Variants in ZC3HAV1 observed in about 807,000 individuals in gnomAD.
ZC3HAV1 encodes the protein zinc finger CCCH-type antiviral protein 1.
A neutral mutation model predicts 86.6 loss-of-function variants in ZC3HAV1; 41 were observed. The ratio of observed to expected loss-of-function variants is 0.47; its 90% confidence interval spans 0.37 to 0.61. The LOEUF is 0.61. Among genes scored for constraint, ZC3HAV1 ranks in the 20% least tolerant of loss-of-function variants. ZC3HAV1 has a pLI of 0.00. For synonymous variants in ZC3HAV1, 421 were observed against 432.1 expected, an observed-to-expected ratio of 0.97 and a Z score of 0.32; for missense variants, 964 against 1,141.1, an observed-to-expected ratio of 0.84 and a Z score of 2.24.
intron 8 of ZC3HAV1, among the ~76,000 whole-genome samples, chr7:139,064,517 G>A (rs929544393): frequency 2.6e-5 from 4 of 152,172 alleles, no homozygotes; most frequent in African/African-American, 4.8e-5. Context: ...GGCCTCTACC[G>A]TAGTCACCAG....
rs1816508821 is a variant in ZC3HAV1, at chr7:139,063,578, G to C, written c.1993+1301C>G. ...TCTGTACAAAAAAATTTTTAAATTA[G>C]CTGGGCATGGTGGCATGAACCTATA... On this transcript the variant is annotated intron_variant, in intron 8 of 12. Coordinates refer to ENST00000242351, the MANE Select transcript of ZC3HAV1 (RefSeq NM_020119.4). 4.0e-5 allele frequency among the ~76,000 whole-genome samples: 6 copies of C among 151,800 alleles called. No individual in the cohort carries two copies. The South Asian group carries it at 1.2e-3, about 32-fold the overall frequency.
Position 139,073,983 on chromosome 7 carries a change from T to A in ZC3HAV1, c.1745A>T (p.Asp582Val), listed in dbSNP as rs1341631282. The change falls in exon 7 of 13, where the codon GAT becomes GTT. Residue 582 changes from aspartate (D) to valine (V), a missense_variant. Physicochemically the swap from Asp to Val is radical, Grantham distance 152 (BLOSUM62 -3). Transcript: ENST00000242351. The part of the protein sequence containing the change: ...YTINFRVMSC[D>V]SFPIRRLSTP... ...GGAGAGGCGTCGGATGGGAAAGGAA[T>A]CACAACTCATTACCCGAAAATTGAT... is the stretch of plus-strand genomic sequence containing the variant. The A allele has an allele frequency of 1.9e-6, 3 of 1,613,688 alleles. No homozygotes were observed. In the African/African-American group the frequency reaches 4.0e-5, roughly 22 times the overall value.
In ZC3HAV1 at chr7:139,109,511, T is replaced by G. The variant is rs1376435099; in HGVS notation, c.-180A>C. On this transcript the variant is annotated 5_prime_UTR_variant, in exon 1 of 13. Coordinates refer to ENST00000242351, the MANE Select transcript of ZC3HAV1 (RefSeq NM_020119.4). ...CAGCCCAGCGATCCACTCTCGGCTCTCAGGTCAAGAGGCTAGATCTCACCG... is the reference window on the plus strand; with the variant it reads ...CAGCCCAGCGATCCACTCTCGGCTCGCAGGTCAAGAGGCTAGATCTCACCG... The G allele has an allele frequency of 4.4e-5, 34 of 773,110 alleles. No individual in the cohort carries two copies. Among genetic ancestry groups the G allele is most frequent in the Non-Finnish European group, 6.0e-5 (30 of 503,008 alleles). 47.9% of individuals were successfully genotyped at this position (773,110 alleles called of 1,614,324 possible).
intron 12 of ZC3HAV1, among the ~76,000 whole-genome samples, chr7:139,052,236 G>A (rs1019047365): frequency 1.3e-5 from 2 of 148,878 alleles, no homozygotes; most frequent in African/African-American, 5.0e-5. Flanking sequence ...CCATTAACTC[G>A]TCACGTAGCA....
chr7:139,103,281 T>A (rs1817832466), intron 1 of ZC3HAV1, among the ~76,000 whole-genome samples: 2 of 150,944 alleles, frequency 1.3e-5, no homozygotes, highest in Non-Finnish European at 3.0e-5. Context: ...TTATTTTTTT[T>A]TTATTTTTTG....
chr7:139,102,707 A>C (rs1817808244), intron 1 of ZC3HAV1, among the ~76,000 whole-genome samples: 1 of 150,596 alleles, frequency 6.6e-6, no homozygotes, highest in African/African-American at 2.5e-5. Context: ...GCCTGGGCAA[A>C]ATAGTGAGAC....
Position 139,089,636 on chromosome 7 carries a change from A to C in ZC3HAV1, c.432T>G (p.Phe144Leu). 1 of 1,603,928 alleles carries C rather than the reference A, an allele frequency of 6.2e-7. No homozygotes were observed. Among genetic ancestry groups the C allele is most frequent in the Non-Finnish European group, 8.5e-7 (1 of 1,176,310 alleles). The part of the protein sequence containing the change: ...LAVLLLQSDP[F>L]FMPEICKSYK... ...AATCACAACTTACCTCGGGCATAAA[A>C]AAAGGATCACTTTGGAGGAGGAGCA... is the stretch of plus-strand genomic sequence containing the variant. Residue 144 changes from phenylalanine to leucine, a missense_variant, in exon 2 of 13, where the codon TTT becomes TTG. Phe to Leu is a conservative substitution (Grantham distance 22). Coordinates refer to ENST00000242351, the MANE Select transcript of ZC3HAV1 (RefSeq NM_020119.4).
In ZC3HAV1 at chr7:139,073,899, T is replaced by C. The variant is rs1698168665; in HGVS notation, c.1829A>G (p.Tyr610Cys). Reference protein sequence around the residue: ...NSVFTTKWIWYWKNESGTWIQ... With the variant: ...NSVFTTKWIWCWKNESGTWIQ... ...CCATGTGCCAGATTCATTCTTCCAA[T>C]ACCAAATCCATTTGGTGGTGAAGAC... is the stretch of plus-strand genomic sequence containing the variant. The change falls in exon 7 of 13, where the codon TAT becomes TGT. Residue 610 changes from tyrosine (Y) to cysteine (C), a missense_variant. By Grantham distance (194) the Tyr-to-Cys change is radical. Transcript: ENST00000242351. 1 of 1,613,732 alleles carries C rather than the reference T, an allele frequency of 6.2e-7. No individual in the cohort carries two copies. Among genetic ancestry groups the C allele is most frequent in the Non-Finnish European group, 8.5e-7 (1 of 1,179,738 alleles).
intron 7 of ZC3HAV1, among the ~76,000 whole-genome samples, chr7:139,068,702 C>T (rs967098433): frequency 2.0e-5 from 3 of 152,214 alleles, no homozygotes; most frequent in Admixed American, 6.5e-5. Flanking sequence ...GGCTCCACAC[C>T]GACCTTCTCT....
At position 139,079,516 on chromosome 7, in the gene ZC3HAV1, A is replaced by G; in HGVS notation, c.1425T>C (p.Thr475=). The change falls in exon 4 of 13, where the codon ACT becomes ACC. Residue 475 remains threonine (T), a synonymous_variant. Transcript: ENST00000242351. ...AGPASRDVQA[T]GRIADDADPR... ...GGTCAGCATCATCTGCGATTCTGCC[A>G]GTGGCCTGGACATCTCGGGAAGCAG... 1 of 1,614,212 alleles carries G rather than the reference A, an allele frequency of 6.2e-7. No individual in the cohort carries two copies. The highest frequency in any genetic ancestry group is 8.5e-7 in the Non-Finnish European group (1 of 1,180,036).
At chr7:139,062,531 G>A (rs148823430) in intron 8 of ZC3HAV1, among the ~76,000 whole-genome samples, 338 of 152,216 alleles carry the variant, frequency 2.2e-3, no homozygotes, top group African/African-American at 7.8e-3. Context: ...TTTCTCCACC[G>A]TTTCATTTTC....
chr7:139,087,598 T>C (rs1365470288), intron 2 of ZC3HAV1, among the ~76,000 whole-genome samples: 2 of 152,084 alleles, frequency 1.3e-5, no homozygotes, highest in African/African-American at 4.8e-5. Flanking sequence ...CATTCATATC[T>C]CTCCTGAGCT....
At position 139,044,701 on chromosome 7, in the gene ZC3HAV1, T is replaced by C. The variant is rs1815909369; in HGVS notation, c.*2893A>G. 6.6e-6 allele frequency: 1 copy of C among 152,594 alleles called. No homozygotes were observed. Among genetic ancestry groups the C allele is most frequent in the Non-Finnish European group, 1.5e-5 (1 of 68,040 alleles). The allele number at this position is 152,594 out of a possible 1,614,324, so 9.5% of individuals were successfully genotyped here. On this transcript the variant is annotated 3_prime_UTR_variant, in exon 13 of 13. Transcript: ENST00000242351. ...AGTATGCAGAACATCTTGCAATACA[T>C]TGGACAGTTCCTCACAATAAGAAAT...
chr7:139,055,733 TC>T (rs944852075), intron 9 of ZC3HAV1, among the ~76,000 whole-genome samples: 45 of 152,060 alleles, frequency 3.0e-4, no homozygotes, highest in African/African-American at 8.7e-4. Context: ...GAAGTAATTT[TC>T]TTTTTCTATC....
intron 5 of ZC3HAV1, 101 bp downstream of exon 5, chr7:139,078,451 A>G: frequency 1.2e-6 from 1 of 825,492 alleles, no homozygotes; most frequent in Non-Finnish European, 1.9e-6. Flanking sequence ...AAGAATTGAA[A>G]GCAGGGTTTT....
chr7:139,105,282 T>C (rs535676832), intron 1 of ZC3HAV1, among the ~76,000 whole-genome samples: 5 of 152,162 alleles, frequency 3.3e-5, no homozygotes, highest in Non-Finnish European at 5.9e-5. Context: ...TCTAGTTATG[T>C]TACTTTCAGT....
At chr7:139,048,712 T>C (rs1273859456) in intron 12 of ZC3HAV1, among the ~76,000 whole-genome samples, 1 of 152,204 alleles carries the variant, frequency 6.6e-6, no homozygotes, top group Non-Finnish European at 1.5e-5. Context: ...AAATGAATTG[T>C]TTTACTTGTG....
chr7:139,052,803 C>T (rs1360213633), intron 12 of ZC3HAV1, among the ~76,000 whole-genome samples: 2 of 151,688 alleles, frequency 1.3e-5, no homozygotes, highest in Non-Finnish European at 2.9e-5. Context: ...GTGGCACACA[C>T]CTGTTGTCCC....
intron 1 of ZC3HAV1, among the ~76,000 whole-genome samples, chr7:139,091,583 T>A (rs1817437240): frequency 6.6e-6 from 1 of 152,182 alleles, no homozygotes; most frequent in African/African-American, 2.4e-5. Flanking sequence ...GGATCTTACC[T>A]CATTGTTCTG....
Sources: gnomAD v4.1 joint callset for allele counts (sites outside exome capture counted in the v4.1 genomes callset) on GRCh38, gnomAD v4.1.1 for gene constraint, MANE v1.5 for transcripts, NCBI Gene and HGNC (gene_info 2026-07-23, HGNC 2026-07-21) for gene names.